UBQLN4: variants seen among roughly 807,000 people sequenced by gnomAD.
UBQLN4 encodes ubiquilin-4.
UBQLN4 carries 11 observed loss-of-function variants against 60.4 expected under a neutral mutation model. The ratio of observed to expected loss-of-function variants is 0.18; its 90% confidence interval spans 0.11 to 0.30. The LOEUF (loss-of-function observed/expected upper bound fraction) is 0.30. Ranked by LOEUF, UBQLN4 falls within the 10% of genes least tolerant of loss-of-function variation. The pLI is 1.00. For missense variants in UBQLN4, 417 were observed against 795.5 expected (o/e 0.52, Z 5.72); for synonymous variants, 258 against 313.1 (o/e 0.82, Z 1.86).
chr1:156,045,474 C>A (rs1683674579), intron 5 of UBQLN4, among the ~76,000 whole-genome samples: 1 of 152,216 alleles, frequency 6.6e-6, no homozygotes, highest in African/African-American at 2.4e-5. Flanking sequence ...GTGATAACAA[C>A]CATCATTTAT....
In UBQLN4 at chr1:156,050,884, C is replaced by G. The variant is rs1010231043; in HGVS notation, c.478+226G>C. ...ACCTAGGGTTCCCCACATCCCCAAC[C>G]CCATTTCTCCCCTCACTCCTAACCC... On this transcript the variant is annotated intron_variant, in intron 3 of 10. Coordinates refer to ENST00000368309, the MANE Select transcript of UBQLN4 (RefSeq NM_020131.5). This position sits in a 1 kb window ranked among gnomAD's most constrained non-coding sequence, Gnocchi z 4.6. Among the ~76,000 whole-genome samples the G allele has an allele frequency of 6.6e-6, 1 of 152,082 alleles. No homozygotes were observed. Among genetic ancestry groups the G allele is most frequent in the Non-Finnish European group, 1.5e-5 (1 of 68,018 alleles).
chr1:156,045,429 C>T (rs1683673351), intron 5 of UBQLN4, among the ~76,000 whole-genome samples: 1 of 152,220 alleles, frequency 6.6e-6, no homozygotes, highest in Admixed American at 6.5e-5. Flanking sequence ...CTGGTACACT[C>T]TAAGGACGAA....
Position 156,051,157 on chromosome 1 carries a change from G to A in UBQLN4, c.431C>T (p.Ser144Phe), listed in dbSNP as rs1339915408. The change falls in exon 3 of 11, where the codon TCT becomes TTT. Residue 144 changes from serine (S) to phenylalanine (F), a missense_variant. By Grantham distance (155) the Ser-to-Phe change is radical. Coordinates refer to ENST00000368309, the MANE Select transcript of UBQLN4 (RefSeq NM_020131.5). ...GSRRSSGGGP[S>F]PGAGEGSPSA... ...GGGGGATCCCTCCCCAGCCCCCGGA[G>A]AGGGCCCCCCACCACTGCTCCTCCG... 3.1e-6 allele frequency: 5 copies of A among 1,612,430 alleles called. No homozygotes were observed. The highest frequency in any genetic ancestry group is 3.4e-6 in the Non-Finnish European group (4 of 1,179,220).
In UBQLN4 at chr1:156,036,722, T is replaced by C; in HGVS notation, c.*256A>G. On this transcript the variant is annotated 3_prime_UTR_variant, in exon 11 of 11. Coordinates refer to ENST00000368309, the MANE Select transcript of UBQLN4 (RefSeq NM_020131.5). ...GGGGCAAGGAGGTAGAGTCAATCAA[T>C]GAAACTGTGAAAACTGTTTAAGTAG... 8.1e-7 allele frequency: 1 copy of C among 1,232,698 alleles called. No individual in the cohort carries two copies. Among genetic ancestry groups the C allele is most frequent in the Non-Finnish European group, 1.0e-6 (1 of 983,432 alleles). 76.4% of individuals were successfully genotyped at this position (1,232,698 alleles called of 1,614,324 possible).
chr1:156,050,982 T>C lies in UBQLN4; in HGVS notation c.478+128A>G. ...CCAGCTTGACTCAAGTATCAATGTC[T>C]GGAACTCTGTCATGGGGTCCCCTAT... is the stretch of plus-strand genomic sequence containing the variant. On this transcript the variant is annotated intron_variant, in intron 3 of 10. Transcript: ENST00000368309. This position sits in a 1 kb window ranked among gnomAD's most constrained non-coding sequence, Gnocchi z 4.6. The C allele has an allele frequency of 1.1e-6, 1 of 882,378 alleles. No individual in the cohort carries two copies. The highest frequency in any genetic ancestry group is 1.8e-6 in the Non-Finnish European group (1 of 559,964). The allele number at this position is 882,378 out of a possible 1,614,324, so 54.7% of individuals were successfully genotyped here. A position where few individuals can be genotyped will look rare whatever the true frequency, so the allele number is the denominator to read the frequency against.
intron 10 of UBQLN4, among the ~76,000 whole-genome samples, chr1:156,040,463 T>TTG (rs1683533645): frequency 1.9e-5 from 2 of 106,312 alleles, no homozygotes; most frequent in Non-Finnish European, 2.1e-5. Context: ...TTTTTTTTTT[T>TTG]GAGATGGAGT....
downstream of UBQLN4, among the ~76,000 whole-genome samples, chr1:156,032,037 T>A (rs138274477): frequency 6.7e-4 from 62 of 92,398 alleles, no homozygotes; most frequent in African/African-American, 2.9e-3. Context: ...GCAGATAAAT[T>A]AATGGGTGAT....
downstream of UBQLN4, among the ~76,000 whole-genome samples, chr1:156,034,815 C>A (rs1198275073): frequency 9.3e-5 from 9 of 96,950 alleles, no homozygotes; most frequent in African/African-American, 3.5e-4. Context: ...ATCAGTTATC[C>A]CTTAACCTTC....
At position 156,048,741 on chromosome 1, in the gene UBQLN4, G is replaced by T. The variant is rs989841117; in HGVS notation, c.742-82C>A. ...AAAAGGGTGGGCCTTGAGGAAGGGG[G>T]GTCTGTATCAGGATCAGGACCAGGG... On this transcript the variant is annotated intron_variant, in intron 4 of 10. Coordinates refer to ENST00000368309, the MANE Select transcript of UBQLN4 (RefSeq NM_020131.5). The surrounding 1 kb of genome is among the most constrained non-coding windows in gnomAD (Gnocchi z 4.9). The T allele has an allele frequency of 9.4e-6, 14 of 1,493,730 alleles. No individual in the cohort carries two copies. Among genetic ancestry groups the T allele is most frequent in the African/African-American group, 6.9e-5 (5 of 72,678 alleles). 92.5% of individuals were successfully genotyped at this position (1,493,730 alleles called of 1,614,324 possible).
At position 156,048,450 on chromosome 1, in the gene UBQLN4, GGAATCTC is replaced by G; in HGVS notation, c.900+44_900+50del. ...CCAGGTTTGCCTGGGGTGGGGGTAG[GGAATCTC>G]GAGCCCAGACAGCCCAACCCACTAC... On this transcript the variant is annotated intron_variant, in intron 5 of 10. Transcript: ENST00000368309. The surrounding 1 kb of genome is among the most constrained non-coding windows in gnomAD (Gnocchi z 4.9). 6.4e-7 allele frequency: 1 copy of G among 1,560,560 alleles called. No homozygotes were observed. Among genetic ancestry groups the G allele is most frequent in the Non-Finnish European group, 8.7e-7 (1 of 1,144,700 alleles).
In UBQLN4 at chr1:156,048,554, G is replaced by A. The variant is rs749714724; in HGVS notation, c.847C>T (p.Arg283Cys). The change falls in exon 5 of 11, where the codon CGC becomes TGC. Residue 283 changes from arginine to cysteine, a missense_variant. Coordinates refer to ENST00000368309, the MANE Select transcript of UBQLN4 (RefSeq NM_020131.5). The surrounding 1 kb of genome is among the most constrained non-coding windows in gnomAD (Gnocchi z 4.9). ...TCCTGGATGTCCGTGTACATGCGGCGGAGGGCATTATACCCTCCAGGGATG... is the reference window on the plus strand; with the variant it reads ...TCCTGGATGTCCGTGTACATGCGGCAGAGGGCATTATACCCTCCAGGGATG... ...ESIPGGYNAL[R>C]RMYTDIQEPM... 2.5e-6 allele frequency: 4 copies of A among 1,613,590 alleles called. No individual in the cohort carries two copies. Among genetic ancestry groups the A allele is most frequent in the South Asian group, 2.2e-5 (2 of 91,070 alleles).
intron 7 of UBQLN4, 23 bp from the exon 8 acceptor site, chr1:156,042,259 G>C (rs915967153): frequency 1.9e-5 from 30 of 1,567,848 alleles, no homozygotes; most frequent in Non-Finnish European, 2.4e-5. Flanking sequence ...AGGTAGCAGG[G>C]GGAGACCTGG....
intron 1 of UBQLN4, among the ~76,000 whole-genome samples, chr1:156,052,719 G>C (rs577722224): frequency 1.3e-5 from 2 of 152,302 alleles, no homozygotes; most frequent in African/African-American, 4.8e-5. Flanking sequence ...CCAAAGTCCA[G>C]GCTCTTAACT....
downstream of UBQLN4, chr1:156,033,378 TTTTTGTTTTG>T (rs547865598): frequency 2.8e-5 from 24 of 860,976 alleles, no homozygotes; most frequent in Non-Finnish European, 2.8e-5. Context: ...TTCCAGGTTT[TTTTTGTTTTG>T]TTTTGTTTTG....
Position 156,051,251 on chromosome 1 carries a change from C to G in UBQLN4, c.337G>C (p.Ala113Pro), listed in dbSNP as rs1389973668. 2 of 1,589,234 alleles carry G rather than the reference C, an allele frequency of 1.3e-6. No individual in the cohort carries two copies. The highest frequency in any genetic ancestry group is 2.3e-5 in the South Asian group (2 of 88,198). ...DPASAPSTTP[A>P]SPATPAQPST... The stretch of plus-strand genomic sequence containing the variant: ...GGCTGGGCAGGGGTGGCGGGTGAAG[C>G]AGGCGTGGTGGAGGGTGCTGAGGCA... Residue 113 changes from alanine to proline, a missense_variant, in exon 3 of 11, where the codon GCT becomes CCT. Ala to Pro is a conservative substitution (Grantham distance 27). Transcript: ENST00000368309.
intron 6 of UBQLN4, among the ~76,000 whole-genome samples, chr1:156,043,480 C>A (rs2102745803): frequency 6.6e-6 from 1 of 152,280 alleles, no homozygotes; most frequent in East Asian, 1.9e-4. Context: ...AGGGAAGGAA[C>A]TTTCCCAATC....
chr1:156,035,023 C>T (rs1683368384), downstream of UBQLN4, among the ~76,000 whole-genome samples: 1 of 150,908 alleles, frequency 6.6e-6, no homozygotes, highest in African/African-American at 2.4e-5. Context: ...CCCACACCAC[C>T]ATGCCTGGCT....
chr1:156,035,079 G>A (rs1244688609), downstream of UBQLN4, among the ~76,000 whole-genome samples: 3 of 150,780 alleles, frequency 2.0e-5, no homozygotes, highest in Non-Finnish European at 3.0e-5. Flanking sequence ...ATGTTGCCAG[G>A]CTAAAACCTT....
chr1:156,045,079 G>C (rs1683663396), intron 5 of UBQLN4, among the ~76,000 whole-genome samples: 1 of 152,154 alleles, frequency 6.6e-6, no homozygotes, highest in Non-Finnish European at 1.5e-5. Flanking sequence ...GGGAGTCCCA[G>C]ACTCAGTTTT....
Sources: allele counts gnomAD v4.1 joint callset (sites outside exome capture counted in the v4.1 genomes callset), GRCh38; gene constraint gnomAD v4.1.1; non-coding constraint Gnocchi (gnomAD v3.1); transcripts MANE v1.5; gene names NCBI Gene and HGNC (gene_info 2026-07-23, HGNC 2026-07-21).